The following NCEH1 variants were observed in gnomAD, a reference collection of about 807,000 sequenced individuals.
NCEH1 encodes neutral cholesterol ester hydrolase 1, also known as 2-acetyl MAGE hydrolase.
In NCEH1, 9 loss-of-function variants were observed where a neutral mutation model predicts 25.4. That is an observed-to-expected ratio of 0.35 (90% CI 0.21 to 0.62). The LOEUF is 0.62. Among genes scored for constraint, NCEH1 ranks in the 20% least tolerant of loss-of-function variants. The probability of loss-of-function intolerance (pLI) is 0.72; values close to 1 mark genes in which losing one functional copy is unlikely to be tolerated. For missense variants in NCEH1, 412 were observed against 501.1 expected (o/e 0.82, Z 1.70); for synonymous variants, 200 against 199.8 (o/e 1.00, Z -0.01).
intron 1 of NCEH1, among the ~76,000 whole-genome samples, chr3:172,706,400 C>T (rs760344588): frequency 2.0e-5 from 3 of 151,974 alleles, no homozygotes; most frequent in African/African-American, 4.8e-5. Context: ...AAATCTTTTG[C>T]AAGTCATTAA....
chr3:172,693,371 T>C (rs1203741604), intron 1 of NCEH1, among the ~76,000 whole-genome samples: 3 of 151,940 alleles, frequency 2.0e-5, no homozygotes, highest in Non-Finnish European at 4.4e-5. Flanking sequence ...AGGACCAATC[T>C]GTATTTCAGC....
intron 1 of NCEH1, among the ~76,000 whole-genome samples, chr3:172,694,629 C>T (rs1449682716): frequency 1.3e-5 from 2 of 152,196 alleles, no homozygotes; most frequent in Non-Finnish European, 2.9e-5. Flanking sequence ...AATGGAAAGG[C>T]ACAGGTGCCT....
chr3:172,692,709 ATACT>A (rs1248714684), intron 1 of NCEH1, among the ~76,000 whole-genome samples: 1 of 152,108 alleles, frequency 6.6e-6, no homozygotes, highest in Non-Finnish European at 1.5e-5. Flanking sequence ...TCATCAAGTA[ATACT>A]TACTCTTGAT....
At chr3:172,702,481 G>A (rs1044291203) in intron 1 of NCEH1, among the ~76,000 whole-genome samples, 1 of 152,106 alleles carries the variant, frequency 6.6e-6, no homozygotes, top group Admixed American at 6.5e-5. Flanking sequence ...GCTGGCAGTT[G>A]GTTTATCATC....
chr3:172,671,841 T>C (rs1370882595), intron 1 of NCEH1, among the ~76,000 whole-genome samples: 1 of 152,224 alleles, frequency 6.6e-6, no homozygotes, highest in African/African-American at 2.4e-5. Flanking sequence ...TGAGGGTGGT[T>C]CCATAGATTA....
intron 1 of NCEH1, among the ~76,000 whole-genome samples, chr3:172,677,790 T>C (rs1368128428): frequency 6.6e-6 from 1 of 152,124 alleles, no homozygotes; most frequent in African/African-American, 2.4e-5. Context: ...TAGCCAGGCG[T>C]GGTGGTGGGC....
Position 172,667,814 on chromosome 3 carries a change from C to A in NCEH1, c.139-19700G>T, listed in dbSNP as rs186980393. 3.3e-5 allele frequency among the ~76,000 whole-genome samples: 5 copies of A among 152,280 alleles called. No homozygotes were observed. In the East Asian group the frequency reaches 9.6e-4, roughly 29 times the overall value. Reference sequence around the variant, plus strand: ...TTTAAAGAGAAAAGCAACTCATTTTCTTTTATACAAGGGCATGGCATTTTT... The same window carrying A: ...TTTAAAGAGAAAAGCAACTCATTTTATTTTATACAAGGGCATGGCATTTTT... On this transcript the variant is annotated intron_variant, in intron 1 of 4. Transcript: ENST00000475381.
intron 2 of NCEH1, among the ~76,000 whole-genome samples, chr3:172,646,457 C>T (rs995336427): frequency 2.6e-5 from 4 of 151,984 alleles, no homozygotes; most frequent in Non-Finnish European, 5.9e-5. Context: ...TAAATGAACA[C>T]GTAAAAAACT....
intron 1 of NCEH1, among the ~76,000 whole-genome samples, chr3:172,650,425 T>C (rs938875706): frequency 1.7e-4 from 26 of 151,496 alleles, no homozygotes; most frequent in African/African-American, 4.4e-4. Flanking sequence ...GGGCGGATCA[T>C]GAGGTCAGGA....
chr3:172,698,781 C>A (rs543269316), intron 1 of NCEH1, among the ~76,000 whole-genome samples: 1 of 152,296 alleles, frequency 6.6e-6, no homozygotes, highest in African/African-American at 2.4e-5. Context: ...GCGAGGCTTG[C>A]AAAACACAGT....
chr3:172,653,247 G>A (rs1406395372), intron 1 of NCEH1, among the ~76,000 whole-genome samples: 3 of 152,120 alleles, frequency 2.0e-5, no homozygotes, highest in African/African-American at 7.2e-5. Context: ...AAGAAATCCG[G>A]TGGGGCACTG....
At chr3:172,677,571 T>C (rs990860151) in intron 1 of NCEH1, among the ~76,000 whole-genome samples, 38 of 150,374 alleles carry the variant, frequency 2.5e-4, no homozygotes, top group Admixed American at 2.2e-3. Context: ...GTATGCTCAT[T>C]TGGGGCTTAG....
chr3:172,652,181 G>C (rs1210131412), intron 1 of NCEH1, among the ~76,000 whole-genome samples: 3 of 152,222 alleles, frequency 2.0e-5, no homozygotes, highest in Non-Finnish European at 4.4e-5. Flanking sequence ...AATGGCCTTA[G>C]AGCCCCAGGC....
At chr3:172,682,835 C>T (rs1712463911) in intron 1 of NCEH1, among the ~76,000 whole-genome samples, 1 of 152,138 alleles carries the variant, frequency 6.6e-6, no homozygotes, top group African/African-American at 2.4e-5. Context: ...AGGTGCATCC[C>T]ATGTTGTTAT....
At chr3:172,652,506 G>A (rs543938453) in intron 1 of NCEH1, among the ~76,000 whole-genome samples, 3 of 152,316 alleles carry the variant, frequency 2.0e-5, no homozygotes, top group South Asian at 2.1e-4. Context: ...CAATGCCTCA[G>A]CACTGTATAA....
chr3:172,689,730 A>G (rs1712921819), intron 1 of NCEH1, among the ~76,000 whole-genome samples: 1 of 147,304 alleles, frequency 6.8e-6, no homozygotes, highest in Admixed American at 6.8e-5. Flanking sequence ...TCTCAAAATA[A>G]AAAAAAAAGC....
chr3:172,665,098 T>C (rs370762772), intron 1 of NCEH1, among the ~76,000 whole-genome samples: 1 of 152,256 alleles, frequency 6.6e-6, no homozygotes, highest in Admixed American at 6.5e-5. Flanking sequence ...TTTGTGATTT[T>C]ATCTACCTTT....
intron 4 of NCEH1, 54 bp downstream of exon 4, chr3:172,635,862 T>G (rs1406529084): frequency 1.3e-6 from 2 of 1,546,076 alleles, no homozygotes; most frequent in East Asian, 4.5e-5. Context: ...GTTGGTCTGC[T>G]AGACCTTGTC....
rs1560175586 is a variant in NCEH1, at chr3:172,633,380, TG to T, written c.*94del. ...TCCATAACTCGCAAGTAGAGGGGAATGGGAGGAAGAATTAGTCAACTAAAAA... is the reference window on the plus strand; with the variant it reads ...TCCATAACTCGCAAGTAGAGGGGAATGGAGGAAGAATTAGTCAACTAAAAA... On this transcript the variant is annotated 3_prime_UTR_variant, in exon 5 of 5. Coordinates refer to ENST00000475381, the MANE Select transcript of NCEH1 (RefSeq NM_020792.6). 3 of 1,147,654 alleles carry T rather than the reference TG, an allele frequency of 2.6e-6. No homozygotes were observed. The allele number at this position is 1,147,654 out of a possible 1,614,324, so 71.1% of individuals were successfully genotyped here.
Sources: allele counts gnomAD v4.1 joint callset (sites outside exome capture counted in the v4.1 genomes callset), GRCh38; gene constraint gnomAD v4.1.1; transcripts MANE v1.5; gene names NCBI Gene and HGNC (gene_info 2026-07-23, HGNC 2026-07-21).